The following FHIT variants were observed in gnomAD, a reference collection of about 807,000 sequenced individuals.
FHIT encodes bis(5'-adenosyl)-triphosphatase.
FHIT carries 19 observed loss-of-function variants against 17.9 expected under a neutral mutation model. That is an observed-to-expected ratio of 1.06 (90% CI 0.74 to 1.56). The LOEUF is 1.56. FHIT is among the 40% of genes most tolerant of loss of function. FHIT has a pLI of 0.00. For missense variants in FHIT, 248 were observed against 189.2 expected (o/e 1.31, Z -1.82); for synonymous variants, 81 against 69.7 (o/e 1.16, Z -0.81).
intron 5 of FHIT, among the ~76,000 whole-genome samples, chr3:60,273,292 T>G (rs970861006): frequency 6.6e-6 from 1 of 151,880 alleles, no homozygotes; most frequent in African/African-American, 2.4e-5. Context: ...TTTATTGAAT[T>G]GGAAGTGTAA....
intron 5 of FHIT, among the ~76,000 whole-genome samples, chr3:60,378,104 G>A (rs530634135): frequency 2.3e-4 from 35 of 152,118 alleles, no homozygotes; most frequent in African/African-American, 8.2e-4. Context: ...ACGGCTCACT[G>A]CGAGCTCCAC....
intron 7 of FHIT, among the ~76,000 whole-genome samples, chr3:59,990,795 T>C (rs746225086): frequency 1.6e-4 from 24 of 152,028 alleles, no homozygotes; most frequent in Admixed American, 4.6e-4. Context: ...AGTGATCTAC[T>C]GGCATTTTAG....
At chr3:60,608,783 C>G (rs548288256) in intron 4 of FHIT, among the ~76,000 whole-genome samples, 3 of 152,162 alleles carry the variant, frequency 2.0e-5, no homozygotes, top group African/African-American at 7.2e-5. Flanking sequence ...GCAAGTCAGT[C>G]AAAGTCATGT....
At chr3:61,100,065 CT>C (rs1432518845) in intron 2 of FHIT, among the ~76,000 whole-genome samples, 3 of 151,700 alleles carry the variant, frequency 2.0e-5, no homozygotes, top group African/African-American at 4.8e-5. Context: ...AGCATCTTTT[CT>C]TTTTTTTATT....
chr3:60,275,863 ACTT>A (rs373870950), intron 5 of FHIT, among the ~76,000 whole-genome samples: 11 of 152,284 alleles, frequency 7.2e-5, no homozygotes, highest in African/African-American at 1.9e-4. Flanking sequence ...GTGAAATTAG[ACTT>A]CTTTTTATGT....
chr3:60,077,225 AT>A (rs1703049966), intron 5 of FHIT: 1 of 152,020 alleles, frequency 6.6e-6, no homozygotes. Flanking sequence ...TGAATTCATA[AT>A]TTTTAATATA....
chr3:60,178,861 G>A (rs1237979189), intron 5 of FHIT, among the ~76,000 whole-genome samples: 4 of 152,138 alleles, frequency 2.6e-5, no homozygotes, highest in African/African-American at 9.7e-5. Flanking sequence ...AAGTTCTGCA[G>A]TAAAGAAATC....
chr3:60,470,058 T>TTTTCTCTCTCTCTCTCTC (rs2033007685), intron 5 of FHIT, among the ~76,000 whole-genome samples: 2 of 142,942 alleles, frequency 1.4e-5, no homozygotes, highest in South Asian at 4.7e-4. Context: ...CTCTCTTTCT[T>TTTTCTCTCTCTCTCTCTC]TCTCTCTCTC....
At chr3:60,098,895 C>G (rs58256488) in intron 5 of FHIT, among the ~76,000 whole-genome samples, 8 of 152,234 alleles carry the variant, frequency 5.3e-5, no homozygotes, top group African/African-American at 1.9e-4. Context: ...GGAGTCAGCA[C>G]CCCTAACCCC....
chr3:60,084,041 A>G (rs1329093243), intron 5 of FHIT, among the ~76,000 whole-genome samples: 3 of 151,974 alleles, frequency 2.0e-5, no homozygotes, highest in Admixed American at 6.6e-5. Context: ...TGGGGAAAAA[A>G]TCACACTTTT....
chr3:61,017,617 G>A (rs2032186718), intron 3 of FHIT, among the ~76,000 whole-genome samples: 1 of 152,142 alleles, frequency 6.6e-6, no homozygotes, highest in Non-Finnish European at 1.5e-5. Flanking sequence ...CCTGAATACA[G>A]GGACCAAAAT....
chr3:61,174,663 T>C (rs899149088), intron 2 of FHIT, among the ~76,000 whole-genome samples: 1 of 152,226 alleles, frequency 6.6e-6, no homozygotes, highest in Non-Finnish European at 1.5e-5. Context: ...TCTTCAATTG[T>C]TGTTAAGACA....
chr3:60,330,744 T>A (rs1709927259), intron 5 of FHIT, among the ~76,000 whole-genome samples: 1 of 152,224 alleles, frequency 6.6e-6, no homozygotes, highest in South Asian at 2.1e-4. Flanking sequence ...AATCTCAGTT[T>A]GGTTGTCTAC....
intron 4 of FHIT, among the ~76,000 whole-genome samples, chr3:60,634,363 A>G (rs1225008359): frequency 2.0e-5 from 3 of 152,194 alleles, no homozygotes; most frequent in Non-Finnish European, 4.4e-5. Flanking sequence ...CGCTACATAA[A>G]TTAGCCAGGA....
chr3:59,972,162 G>T (rs935898276), intron 7 of FHIT, among the ~76,000 whole-genome samples: 2 of 152,114 alleles, frequency 1.3e-5, no homozygotes, highest in African/African-American at 4.8e-5. Context: ...TCAGAACCAA[G>T]ATATTAGAGA....
At chr3:60,744,258 C>CAAAAAAAAA (rs371224955) in intron 4 of FHIT, among the ~76,000 whole-genome samples, 11 of 95,618 alleles carry the variant, frequency 1.2e-4, no homozygotes, top group South Asian at 3.5e-4. Context: ...AAAAAAAAAA[C>CAAAAAAAAA]AAAACAAAAC....
chr3:60,693,027 A>G (rs1340567456), intron 4 of FHIT, among the ~76,000 whole-genome samples: 2 of 152,146 alleles, frequency 1.3e-5, no homozygotes, highest in African/African-American at 4.8e-5. Context: ...CAAACATCTC[A>G]TTAGTAGAAT....
intron 5 of FHIT, among the ~76,000 whole-genome samples, chr3:60,055,023 A>G (rs1425163895): frequency 1.3e-5 from 2 of 152,194 alleles, no homozygotes; most frequent in African/African-American, 4.8e-5. Context: ...GTTGCCCAAC[A>G]CAGGAAAAAA....
chr3:60,413,296 G>A (rs994599995), intron 5 of FHIT, among the ~76,000 whole-genome samples: 1 of 152,138 alleles, frequency 6.6e-6, no homozygotes, highest in African/African-American at 2.4e-5. Flanking sequence ...AACTGAGCCA[G>A]GTGTTGAACA....
Sources: gnomAD v4.1 joint callset for allele counts (sites outside exome capture counted in the v4.1 genomes callset) on GRCh38, gnomAD v4.1.1 for gene constraint, MANE v1.5 for transcripts, NCBI Gene and HGNC (gene_info 2026-07-23, HGNC 2026-07-21) for gene names.